Variants in CNGB1 observed in about 807,000 individuals in gnomAD.
CNGB1 encodes the protein cyclic nucleotide gated channel subunit beta 1, also known as cyclic nucleotide-gated channel beta-1.
CNGB1 carries 126 observed loss-of-function variants against 151.7 expected under a neutral mutation model. That is an observed-to-expected ratio of 0.83 (90% CI 0.72 to 0.96). The LOEUF is 0.96. CNGB1 is among the 40% of genes least tolerant of loss of function. CNGB1 has a pLI of 0.00. For synonymous variants in CNGB1, 623 were observed against 635.1 expected (o/e 0.98, Z 0.29); for missense variants, 1,698 against 1,627.0 (o/e 1.04, Z -0.75).
At chr16:57,922,398 C>T (rs1961061347) in intron 18 of CNGB1, among the ~76,000 whole-genome samples, 1 of 150,640 alleles carries the variant, frequency 6.6e-6, no homozygotes, top group Non-Finnish European at 1.5e-5. Flanking sequence ...AATGCCATCA[C>T]AGTGGTTTCT....
In CNGB1 at chr16:57,919,212, G is replaced by A. The variant is rs768709993; in HGVS notation, c.1844C>T (p.Pro615Leu). ...CTCTTCCACTGGCTCGGCTTCAGCG[G>A]GCTTTGTGTCTGGAGCTGGCTCTGG... Reference protein sequence around the residue: ...KAPEPAPDTKPAEAEPVEEEH... With the variant: ...KAPEPAPDTKLAEAEPVEEEH... Residue 615 changes from proline to leucine, a missense_variant, in exon 20 of 33, where the codon CCC (proline) becomes CTC (leucine). Transcript: ENST00000251102. 4.1e-5 allele frequency: 66 copies of A among 1,614,102 alleles called. 1 individual carries two copies. The South Asian group carries it at 7.2e-4, about 18-fold the overall frequency.
chr16:57,912,008 A>G, intron 24 of CNGB1, 133 bp from the exon 25 acceptor site: 3 of 1,229,220 alleles, frequency 2.4e-6, no homozygotes, highest in Non-Finnish European at 3.5e-6. Context: ...CCAGTTAGGA[A>G]GGGTGGTGCT....
intron 16 of CNGB1, among the ~76,000 whole-genome samples, chr16:57,933,148 G>A (rs1220745495): frequency 6.6e-6 from 1 of 151,910 alleles, no homozygotes; most frequent in Non-Finnish European, 1.5e-5. Flanking sequence ...GGCTGGTCTC[G>A]AACTCCTGAG....
intron 31 of CNGB1, among the ~76,000 whole-genome samples, chr16:57,890,659 G>A (rs1960062849): frequency 6.6e-6 from 1 of 152,200 alleles, no homozygotes; most frequent in South Asian, 2.1e-4. Context: ...CTTTTTTGGA[G>A]TGGTCAAGCC....
chr16:57,885,572 CTCTCTCTTTCTT>C (rs1467888499), intron 32 of CNGB1, among the ~76,000 whole-genome samples: 11 of 100,938 alleles, frequency 1.1e-4, no homozygotes, highest in African/African-American at 3.3e-4. Flanking sequence ...CTCTCTCTCT[CTCTCTCTTTCTT>C]TCTTTCTTTC....
At chr16:57,931,932 A>G (rs1009910136) in intron 16 of CNGB1, 54 bp from the exon 17 acceptor site, 7 of 1,591,208 alleles carry the variant, frequency 4.4e-6, no homozygotes, top group East Asian at 2.2e-5. Flanking sequence ...GCTGGGTCCC[A>G]GGAGTCCAGC....
At position 57,949,367 on chromosome 16, in the gene CNGB1, C is replaced by T. The variant is rs1597004735; in HGVS notation, c.1107G>A (p.Glu369=). The part of the protein sequence containing the change: ...EEEEEEEEEE[E]EEVTEVLLDS... ...AAATGACTTACTCAGTCACCTCCTC[C>T]TCTTCCTCCTCCTCCTCCTCTTCCT... The change falls in exon 14 of 33, where the codon GAG becomes GAA. Residue 369 remains glutamate (E), a synonymous_variant. Transcript: ENST00000251102. 1 of 1,610,060 alleles carries T rather than the reference C, an allele frequency of 6.2e-7. No individual in the cohort carries two copies. Among genetic ancestry groups the T allele is most frequent in the Non-Finnish European group, 8.5e-7 (1 of 1,179,932 alleles).
At chr16:57,923,151 C>T (rs760183530) in intron 18 of CNGB1, 122 bp downstream of exon 18, 57 of 691,118 alleles carry the variant, frequency 8.2e-5, no homozygotes, top group Non-Finnish European at 1.2e-4. Flanking sequence ...ACTTACTGCT[C>T]GGAAGCCACT....
At chr16:57,923,056 AC>A (rs1366770470) in intron 18 of CNGB1, 5 of 438,276 alleles carry the variant, frequency 1.1e-5, no homozygotes, top group Non-Finnish European at 2.1e-5. Context: ...GGCCGTGGAC[AC>A]AGCTGGGCCC....
Position 57,923,381 on chromosome 16 carries a change from CTGCAAA to C in CNGB1, c.1536-7_1536-2del. The C allele has an allele frequency of 6.2e-7, 1 of 1,612,276 alleles. No individual in the cohort carries two copies. The highest frequency in any genetic ancestry group is 8.5e-7 in the Non-Finnish European group (1 of 1,179,088). On this transcript the variant is annotated splice_acceptor_variant and splice_polypyrimidine_tract_variant and intron_variant, in intron 17 of 32. Transcript: ENST00000251102. LOFTEE classifies it high-confidence loss of function. The stretch of plus-strand genomic sequence containing the variant: ...ATCATCCTCAGAGGGCAGCTTCTTC[CTGCAAA>C]GACACAGATGTGGAAGGGGCCTTCA...
intron 31 of CNGB1, among the ~76,000 whole-genome samples, chr16:57,894,714 AG>A (rs1344773098): frequency 1.3e-5 from 2 of 152,210 alleles, no homozygotes; most frequent in Non-Finnish European, 2.9e-5. Flanking sequence ...AGTTGCAGTC[AG>A]GGGGCAATGG....
At position 57,931,846 on chromosome 16, in the gene CNGB1, C is replaced by A. The variant is rs774061456; in HGVS notation, c.1405G>T (p.Val469Leu). 25 of 1,614,046 alleles carry A rather than the reference C, an allele frequency of 1.5e-5. No individual in the cohort carries two copies. The highest frequency in any genetic ancestry group is 2.0e-5 in the Non-Finnish European group (24 of 1,180,056). ...CAGCTATCAGCATCAGTATCTTCCA[C>A]CTGCACTTCTGGGTGCTGTTTCGTG... ...PATKQHPEVQ[V>L]EDTDADSCPL... is the part of the protein sequence containing the mutation. The change falls in exon 17 of 33, where the codon GTG (valine) becomes TTG (leucine). Residue 469 changes from valine (V) to leucine (L), a missense_variant. Physicochemically the swap from Val to Leu is conservative, Grantham distance 32 (BLOSUM62 1). Coordinates refer to ENST00000251102, the MANE Select transcript of CNGB1 (RefSeq NM_001297.5).
chr16:57,920,252 A>T, intron 19 of CNGB1, 135 bp downstream of exon 19: 1 of 971,030 alleles, frequency 1.0e-6, no homozygotes, highest in Non-Finnish European at 1.6e-6. Context: ...TCCCAAATCC[A>T]GAGAGTGGGG....
chr16:57,939,386 T>C (rs768577147), intron 16 of CNGB1, 44 bp downstream of exon 16: 1 of 1,613,186 alleles, frequency 6.2e-7, no homozygotes. Flanking sequence ...TAAAAGGACC[T>C]CAGACATTCT....
intron 31 of CNGB1, among the ~76,000 whole-genome samples, chr16:57,896,214 G>A (rs185724356): frequency 1.9e-4 from 29 of 152,260 alleles, no homozygotes; most frequent in Non-Finnish European, 4.1e-4. Context: ...AGGTTTAAGG[G>A]AAAATAGGTT....
intron 21 of CNGB1, 88 bp from the exon 22 acceptor site, chr16:57,916,267 C>G (rs1960866517): frequency 7.6e-7 from 1 of 1,324,028 alleles, no homozygotes; most frequent in African/African-American, 1.4e-5. Flanking sequence ...CCCAAGAACC[C>G]CACCCTGAAA....
At chr16:57,964,682 A>G in intron 2 of CNGB1, 138 bp from the exon 3 acceptor site, 2 of 890,800 alleles carry the variant, frequency 2.2e-6, no homozygotes, top group Admixed American at 2.0e-5. Context: ...ATCTCTGTAA[A>G]TCCTGTTGGC....
chr16:57,898,213 T>C (rs1232790725), intron 29 of CNGB1, among the ~76,000 whole-genome samples: 1 of 152,082 alleles, frequency 6.6e-6, no homozygotes, highest in Non-Finnish European at 1.5e-5. Context: ...GAGGTGCAGG[T>C]ATAATGGAAT....
chr16:57,963,102 C>T (rs775406926), intron 4 of CNGB1, 38 bp from the exon 5 acceptor site: 2 of 1,524,738 alleles, frequency 1.3e-6, no homozygotes, highest in Admixed American at 3.3e-5. Context: ...CCTCAACTTC[C>T]CCTAGCTCAA....
Sources: allele counts gnomAD v4.1 joint callset (sites outside exome capture counted in the v4.1 genomes callset), GRCh38; gene constraint gnomAD v4.1.1; transcripts MANE v1.5; gene names NCBI Gene and HGNC (gene_info 2026-07-23, HGNC 2026-07-21).